The following DCBLD1 variants were observed in gnomAD, a reference collection of about 807,000 sequenced individuals.
The protein encoded by DCBLD1 is discoidin, CUB and LCCL domain-containing protein 1.
A neutral mutation model predicts 71.5 loss-of-function variants in DCBLD1; 57 were observed. The observed-to-expected ratio is 0.80, with a 90% CI of 0.64 to 0.99. DCBLD1 has a LOEUF of 0.99. Ranked by LOEUF, DCBLD1 falls within the 50% of genes least tolerant of loss-of-function variation. The probability of loss-of-function intolerance (pLI) is 0.00; values close to 1 mark genes in which losing one functional copy is unlikely to be tolerated. For missense variants in DCBLD1, 891 were observed against 923.5 expected (o/e 0.96, Z 0.46); for synonymous variants, 380 against 363.8 (o/e 1.04, Z -0.51).
intron 1 of DCBLD1, among the ~76,000 whole-genome samples, chr6:117,493,492 T>C (rs1489262598): frequency 6.6e-6 from 1 of 152,196 alleles, no homozygotes; most frequent in Non-Finnish European, 1.5e-5. Flanking sequence ...ATAGAACTTC[T>C]CATATCATAA....
intron 2 of DCBLD1, among the ~76,000 whole-genome samples, chr6:117,519,180 C>T (rs559332088): frequency 1.3e-5 from 2 of 152,182 alleles, no homozygotes; most frequent in South Asian, 2.1e-4. Flanking sequence ...TCATTGAGAT[C>T]CCTATTGCTT....
intron 2 of DCBLD1, among the ~76,000 whole-genome samples, chr6:117,508,893 G>A (rs192231245): frequency 1.3e-5 from 2 of 152,236 alleles, no homozygotes; most frequent in East Asian, 1.9e-4. Context: ...ACTTCTAGAC[G>A]TTACCACCTG....
At chr6:117,537,534 A>C (rs1778933139) in intron 7 of DCBLD1, among the ~76,000 whole-genome samples, 1 of 133,010 alleles carries the variant, frequency 7.5e-6, no homozygotes, top group African/African-American at 2.7e-5. Flanking sequence ...ACTCCATCTC[A>C]AAAAAAAAAA....
At chr6:117,543,257 C>T in intron 12 of DCBLD1, 46 bp downstream of exon 12, 1 of 1,550,888 alleles carries the variant, frequency 6.4e-7, no homozygotes. Context: ...ATTATGCGAA[C>T]AATAAAAAAC....
Position 117,545,576 on chromosome 6 carries a change from C to G in DCBLD1, c.1594C>G (p.Leu532Val), listed in dbSNP as rs755907062. The G allele has an allele frequency of 2.5e-6, 4 of 1,614,058 alleles. No individual in the cohort carries two copies. Among genetic ancestry groups the G allele is most frequent in the Non-Finnish European group, 3.4e-6 (4 of 1,179,990 alleles). Reference sequence around the variant, plus strand: ...GAAGGAGATGACACAAAAGTTAGATCTCATCACAAGTGATATGGCAGGTAA... The same window carrying G: ...GAAGGAGATGACACAAAAGTTAGATGTCATCACAAGTGATATGGCAGGTAA... The part of the protein sequence containing the change: ...NEKEMTQKLD[L>V]ITSDMADYQQ... The change falls in exon 14 of 15, where the codon CTC becomes GTC. Residue 532 changes from leucine (L) to valine (V), a missense_variant. Physicochemically the swap from Leu to Val is conservative, Grantham distance 32. Coordinates refer to ENST00000338728, the MANE Select transcript of DCBLD1 (RefSeq NM_001366458.2).
At chr6:117,505,722 T>A (rs1777820067) in intron 2 of DCBLD1, among the ~76,000 whole-genome samples, 1 of 152,060 alleles carries the variant, frequency 6.6e-6, no homozygotes. Context: ...ATCCTAACAC[T>A]GGGAGGCCTA....
At chr6:117,500,996 GAAAA>G (rs11418320) in intron 1 of DCBLD1, among the ~76,000 whole-genome samples, 3 of 147,704 alleles carry the variant, frequency 2.0e-5, no homozygotes, top group Non-Finnish European at 4.5e-5. Flanking sequence ...ACTGTTTTCT[GAAAA>G]AAAAAAAGTT....
At chr6:117,536,872 T>TA (rs1778899997) in intron 6 of DCBLD1, among the ~76,000 whole-genome samples, 1 of 152,222 alleles carries the variant, frequency 6.6e-6, no homozygotes. Context: ...CACATTCCTT[T>TA]CCAATAAATT....
intron 11 of DCBLD1, among the ~76,000 whole-genome samples, chr6:117,541,856 C>G (rs572606095): frequency 1.4e-4 from 21 of 152,198 alleles, no homozygotes; most frequent in Non-Finnish European, 2.9e-4. Context: ...TGAGCATTTT[C>G]CAATGTTATT....
intron 12 of DCBLD1, chr6:117,544,162 A>G (rs2114564081): frequency 5.6e-6 from 1 of 179,540 alleles, no homozygotes; most frequent in African/African-American, 2.3e-5. Context: ...ATGCTTCTAA[A>G]GACACCCACA....
intron 14 of DCBLD1, among the ~76,000 whole-genome samples, chr6:117,567,729 G>A (rs1442133901): frequency 6.6e-6 from 1 of 151,742 alleles, no homozygotes; most frequent in East Asian, 1.9e-4. Flanking sequence ...TTACATGAAC[G>A]AGAAAGCTGA....
intron 2 of DCBLD1, among the ~76,000 whole-genome samples, chr6:117,509,303 A>G (rs982927452): frequency 8.5e-5 from 13 of 152,162 alleles, no homozygotes; most frequent in Admixed American, 5.9e-4. Context: ...ATGGTGATAC[A>G]TGCCCGTAGT....
chr6:117,528,023 A>G (rs1016458515), intron 5 of DCBLD1, among the ~76,000 whole-genome samples: 3 of 152,126 alleles, frequency 2.0e-5, no homozygotes, highest in African/African-American at 7.2e-5. Context: ...CACTTAATTA[A>G]TTTGTTTCAG....
intron 14 of DCBLD1, among the ~76,000 whole-genome samples, chr6:117,563,959 G>A (rs996526291): frequency 6.7e-6 from 1 of 149,580 alleles, no homozygotes; most frequent in Non-Finnish European, 1.5e-5. Flanking sequence ...TTCCTATCAA[G>A]TTTTCCTTTC....
intron 2 of DCBLD1, among the ~76,000 whole-genome samples, chr6:117,508,737 C>T (rs1380704477): frequency 1.3e-5 from 2 of 152,114 alleles, no homozygotes; most frequent in Non-Finnish European, 2.9e-5. Context: ...CCGAGTTTTC[C>T]CTTGAAAGGT....
chr6:117,545,184 G>A (rs1341974638), intron 13 of DCBLD1, among the ~76,000 whole-genome samples: 1 of 151,952 alleles, frequency 6.6e-6, no homozygotes. Context: ...CAGATGCCAT[G>A]CCAGTGCAGA....
chr6:117,550,460 A>T (rs1246192472), downstream of DCBLD1, among the ~76,000 whole-genome samples: 1 of 152,204 alleles, frequency 6.6e-6, no homozygotes, highest in African/African-American at 2.4e-5. Context: ...ATGTTATCAA[A>T]TCCTACTGGG....
intron 3 of DCBLD1, 23 bp from the exon 4 acceptor site, chr6:117,521,502 G>A (rs747267001): frequency 3.2e-6 from 5 of 1,551,284 alleles, no homozygotes; most frequent in Non-Finnish European, 4.4e-6. Context: ...TCTATTAATT[G>A]CAATTATCTT....
intron 1 of DCBLD1, among the ~76,000 whole-genome samples, chr6:117,499,580 G>A (rs1312276412): frequency 6.6e-6 from 1 of 151,922 alleles, no homozygotes; most frequent in Non-Finnish European, 1.5e-5. Flanking sequence ...TCAGATCATT[G>A]TAGATCACAT....
Sources: allele counts gnomAD v4.1 joint callset (sites outside exome capture counted in the v4.1 genomes callset), GRCh38; gene constraint gnomAD v4.1.1; transcripts MANE v1.5; gene names NCBI Gene and HGNC (gene_info 2026-07-23, HGNC 2026-07-21).